The following DHRSX variants were observed in gnomAD, a reference collection of about 807,000 sequenced individuals.
The protein encoded by DHRSX is dehydrogenase/reductase X-linked.
DHRSX carries 31 observed loss-of-function variants against 34.0 expected under a neutral mutation model. The observed-to-expected ratio is 0.91, with a 90% CI of 0.69 to 1.23. The LOEUF (loss-of-function observed/expected upper bound fraction) is 1.23. Ranked by LOEUF, DHRSX falls within the 50% of genes most tolerant of loss-of-function variation. DHRSX has a pLI of 0.00. For missense variants in DHRSX, 414 were observed against 428.1 expected (o/e 0.97, Z 0.29); for synonymous variants, 201 against 183.8 (o/e 1.09, Z -0.76).
Position 2,232,341 on chromosome X carries a change from C to CAACAAA in DHRSX, c.804+10681_804+10682insTTTGTT, listed in dbSNP as rs1748238985. Reference sequence around the variant, plus strand: ...TATCCACTTGTTTTGAAAACAACAACAACTAAAGCAACAGAACTTCCTTTA... The same window carrying CAACAAA: ...TATCCACTTGTTTTGAAAACAACAACAACAAAAACTAAAGCAACAGAACTTCCTTTA... On this transcript the variant is annotated intron_variant, in intron 6 of 6. Transcript: ENST00000334651. Among the ~76,000 whole-genome samples the CAACAAA allele has an allele frequency of 2.0e-5, 3 of 151,946 alleles. No individual in the cohort carries two copies. In the East Asian group the frequency reaches 5.8e-4, roughly 29 times the overall value.
intron 3 of DHRSX, among the ~76,000 whole-genome samples, chrX:2,383,334 T>C (rs2043235256): frequency 6.6e-6 from 1 of 151,180 alleles, no homozygotes; most frequent in South Asian, 2.1e-4. Flanking sequence ...ATCACCATCA[T>C]CATTATCACA....
At chrX:2,224,833 CATAT>C (rs1160685645) in intron 6 of DHRSX, among the ~76,000 whole-genome samples, 6 of 149,232 alleles carry the variant, frequency 4.0e-5, no homozygotes, top group Non-Finnish European at 4.5e-5. Flanking sequence ...CACATGCTCA[CATAT>C]ACTCATTCAC....
intron 5 of DHRSX, among the ~76,000 whole-genome samples, chrX:2,258,472 C>T (rs1390587740): frequency 6.6e-6 from 1 of 150,726 alleles, no homozygotes; most frequent in Non-Finnish European, 1.5e-5. Context: ...GGCTAAGACA[C>T]CTCATAAGAG....
At chrX:2,412,254 T>TA (rs1413832146) in intron 2 of DHRSX, among the ~76,000 whole-genome samples, 1 of 152,180 alleles carries the variant, frequency 6.6e-6, no homozygotes, top group East Asian at 1.9e-4. Context: ...GTATAGCCAT[T>TA]ATGGAAAACA....
chrX:2,432,108 C>G (rs749891001), intron 1 of DHRSX, among the ~76,000 whole-genome samples: 1 of 151,982 alleles, frequency 6.6e-6, no homozygotes. Context: ...GCAGGAGGAT[C>G]GCTTGAACCC....
At chrX:2,456,733 C>T (rs2044303675) in intron 1 of DHRSX, among the ~76,000 whole-genome samples, 1 of 151,918 alleles carries the variant, frequency 6.6e-6, no homozygotes, top group Non-Finnish European at 1.5e-5. Flanking sequence ...AGGTTTCTCT[C>T]CTGTCATCCT....
At chrX:2,225,147 TACAC>T (rs967186075) in intron 6 of DHRSX, among the ~76,000 whole-genome samples, 147 of 136,862 alleles carry the variant, frequency 1.1e-3, no homozygotes, top group African/African-American at 3.6e-3. Flanking sequence ...CATTCACATG[TACAC>T]ACATTCACAT....
At chrX:2,347,679 G>C (rs1232040424) in intron 3 of DHRSX, among the ~76,000 whole-genome samples, 2 of 152,156 alleles carry the variant, frequency 1.3e-5, no homozygotes, top group African/African-American at 2.4e-5. Context: ...GAGTGAGCGA[G>C]ACTCTGTCTC....
At chrX:2,463,195 C>T (rs972745051) in intron 1 of DHRSX, among the ~76,000 whole-genome samples, 1 of 152,078 alleles carries the variant, frequency 6.6e-6, no homozygotes, top group Non-Finnish European at 1.5e-5. Context: ...TTTATTTTAG[C>T]AGCTCCCTAC....
rs2043481861 is a variant in DHRSX at position 2,401,184 on chromosome X, A to G, written c.286+7561T>C. Among the ~76,000 whole-genome samples, 3 of 143,574 alleles carry G rather than the reference A, an allele frequency of 2.1e-5. No individual in the cohort carries two copies. The East Asian group carries it at 6.3e-4, about 30-fold the overall frequency. The allele number at this position is 143,574 out of a possible 152,430, so 94.2% of individuals were successfully genotyped here. A position where few individuals can be genotyped will look rare whatever the true frequency, so the allele number is the denominator to read the frequency against. ...GAGTGCAGTGGCATGATCTCGGCTC[A>G]CCGCAAACCTCCGCCTCCCGGGTCC... On this transcript the variant is annotated intron_variant, in intron 3 of 6. Coordinates refer to ENST00000334651, the MANE Select transcript of DHRSX (RefSeq NM_145177.3).
chrX:2,285,195 T>TA (rs2041790451), intron 4 of DHRSX, among the ~76,000 whole-genome samples: 4 of 152,192 alleles, frequency 2.6e-5, no homozygotes, highest in African/African-American at 9.6e-5. Flanking sequence ...TTTATTTGTA[T>TA]TATTATTACA....
intron 1 of DHRSX, among the ~76,000 whole-genome samples, chrX:2,468,688 G>A (rs1215912427): frequency 1.3e-5 from 2 of 150,118 alleles, no homozygotes; most frequent in African/African-American, 2.5e-5. Context: ...TGTACACACT[G>A]AAGACGCTCC....
intron 5 of DHRSX, among the ~76,000 whole-genome samples, chrX:2,244,021 T>C (rs183660868): frequency 4.8e-4 from 73 of 152,034 alleles, no homozygotes; most frequent in African/African-American, 1.6e-3. Flanking sequence ...TCCACCCTCC[T>C]TGGCCTCCCA....
intron 3 of DHRSX, among the ~76,000 whole-genome samples, chrX:2,298,191 G>A (rs1808869161): frequency 6.6e-6 from 1 of 152,002 alleles, no homozygotes; most frequent in African/African-American, 2.4e-5. Flanking sequence ...AGCTGGGGGA[G>A]GCCAAAAGGA....
At chrX:2,472,444 C>T (rs750309619) in intron 1 of DHRSX, among the ~76,000 whole-genome samples, 1 of 152,164 alleles carries the variant, frequency 6.6e-6, no homozygotes, top group South Asian at 2.1e-4. Flanking sequence ...GCAATTTACC[C>T]GTGTAATGAA....
intron 3 of DHRSX, among the ~76,000 whole-genome samples, chrX:2,309,161 GAGA>G (rs2042135113): frequency 1.3e-5 from 2 of 152,070 alleles, no homozygotes; most frequent in Non-Finnish European, 2.9e-5. Context: ...AAGAAAAATA[GAGA>G]AGAATAATGA....
At chrX:2,408,458 T>C (rs1441376147) in intron 3 of DHRSX, among the ~76,000 whole-genome samples, 1 of 152,112 alleles carries the variant, frequency 6.6e-6, no homozygotes. Context: ...GGACAATGGC[T>C]CCTGTTCCCT....
At chrX:2,335,688 G>A (rs1397613433) in intron 3 of DHRSX, among the ~76,000 whole-genome samples, 4 of 151,824 alleles carry the variant, frequency 2.6e-5, no homozygotes, top group East Asian at 1.9e-4. Context: ...TCTTTACCTC[G>A]TGTTCTGCCT....
At position 2,430,175 on chromosome X, in the gene DHRSX, C is replaced by T. The variant is rs187696085; in HGVS notation, c.110-4871G>A. Among the ~76,000 whole-genome samples the T allele has an allele frequency of 5.0e-4, 74 of 147,972 alleles. 1 individual carries two copies. Among genetic ancestry groups the T allele is most frequent in the African/African-American group, 1.8e-3 (72 of 40,342 alleles). Reference sequence around the variant, plus strand: ...CATGCCACATGGTTTTGGAGGTGCCCGTGGGGTCTTCCCTGAAAACGCACA... The same window carrying T: ...CATGCCACATGGTTTTGGAGGTGCCTGTGGGGTCTTCCCTGAAAACGCACA... On this transcript the variant is annotated intron_variant, in intron 1 of 6. Transcript: ENST00000334651.
Sources: allele counts gnomAD v4.1 joint callset (sites outside exome capture counted in the v4.1 genomes callset), GRCh38; gene constraint gnomAD v4.1.1; transcripts MANE v1.5; gene names NCBI Gene and HGNC (gene_info 2026-07-23, HGNC 2026-07-21).